The following SOX6 variants were observed in gnomAD, a reference collection of about 807,000 sequenced individuals.
SOX6 encodes transcription factor SOX-6.
In SOX6, 11 loss-of-function variants were observed where a neutral mutation model predicts 97.8. The observed-to-expected ratio is 0.11, with a 90% confidence interval of 0.07 to 0.19. SOX6 has a LOEUF of 0.19. Ranked by LOEUF, SOX6 falls within the 10% of genes least tolerant of loss-of-function variation. The probability of loss-of-function intolerance (pLI) is 1.00; values close to 1 mark genes in which losing one functional copy is unlikely to be tolerated. For missense variants in SOX6, 810 were observed against 1,039.5 expected, an observed-to-expected ratio of 0.78 and a Z score of 3.04; for synonymous variants, 360 against 371.4, an observed-to-expected ratio of 0.97 and a Z score of 0.35.
chr11:16,008,581 T>C (rs10766294), intron 13 of SOX6, among the ~76,000 whole-genome samples: 47,031 of 151,918 alleles, frequency 0.31, 8,647 homozygotes, highest in Non-Finnish European at 0.41. Context: ...GATGGAGTTA[T>C]ACAAGAATCT....
chr11:16,277,310 C>G (rs189013787), intron 3 of SOX6, among the ~76,000 whole-genome samples: 2 of 152,070 alleles, frequency 1.3e-5, no homozygotes, highest in South Asian at 4.2e-4. Context: ...TCACTGCCCC[C>G]ACCCACTCCA....
chr11:16,425,159 T>C (rs932374722), intron 1 of SOX6, among the ~76,000 whole-genome samples: 30 of 152,246 alleles, frequency 2.0e-4, no homozygotes, highest in African/African-American at 6.8e-4. Context: ...TTTCTTTTTC[T>C]TCATTCCCTT....
intron 3 of SOX6, among the ~76,000 whole-genome samples, chr11:16,659,833 T>C (rs1465476883): frequency 1.3e-5 from 2 of 152,188 alleles, no homozygotes; most frequent in Non-Finnish European, 2.9e-5. Flanking sequence ...GATTATCTAT[T>C]GCTCCTTGTG....
At chr11:16,082,791 T>C (rs749496706) in intron 9 of SOX6, among the ~76,000 whole-genome samples, 4 of 152,196 alleles carry the variant, frequency 2.6e-5, no homozygotes, top group Non-Finnish European at 4.4e-5. Flanking sequence ...TTACCATTTA[T>C]GGTGTGAATA....
intron 3 of SOX6, among the ~76,000 whole-genome samples, chr11:16,621,437 G>C (rs1051676728): frequency 6.6e-6 from 1 of 152,144 alleles, no homozygotes; most frequent in Non-Finnish European, 1.5e-5. Flanking sequence ...GGAATACATT[G>C]ACTGTCATGG....
intron 13 of SOX6, 131 bp downstream of exon 13, chr11:16,014,811 C>T: frequency 2.5e-6 from 2 of 807,794 alleles, no homozygotes; most frequent in South Asian, 2.9e-5. Flanking sequence ...TGAAGAGTGA[C>T]ATTTCCTTTG....
chr11:16,564,568 A>T (rs1847848946), intron 4 of SOX6, among the ~76,000 whole-genome samples: 1 of 152,124 alleles, frequency 6.6e-6, no homozygotes, highest in Admixed American at 6.5e-5. Context: ...TAGGCCATAA[A>T]ACAAAACTCA....
chr11:16,511,014 T>G (rs531365236), intron 4 of SOX6, among the ~76,000 whole-genome samples: 2 of 152,162 alleles, frequency 1.3e-5, no homozygotes, highest in South Asian at 2.1e-4. Context: ...AAATTATCGT[T>G]GGGGAAAAGG....
intron 3 of SOX6, among the ~76,000 whole-genome samples, chr11:16,691,830 C>G (rs2134036254): frequency 6.6e-6 from 1 of 152,196 alleles, no homozygotes; most frequent in East Asian, 1.9e-4. Flanking sequence ...AAGCAAAACA[C>G]CATCACTCAA....
intron 4 of SOX6, among the ~76,000 whole-genome samples, chr11:16,517,912 C>A (rs1860998998): frequency 6.6e-6 from 1 of 152,142 alleles, no homozygotes; most frequent in Non-Finnish European, 1.5e-5. Flanking sequence ...ACTTTCTATT[C>A]TCTCACTGCC....
intron 7 of SOX6, among the ~76,000 whole-genome samples, chr11:16,108,314 C>T (rs959146539): frequency 1.3e-5 from 2 of 152,080 alleles, no homozygotes; most frequent in African/African-American, 4.8e-5. Flanking sequence ...TGCTTTCTAG[C>T]CGCAATCATG....
chr11:15,998,993 C>T (rs949757684), intron 13 of SOX6, among the ~76,000 whole-genome samples: 1 of 151,908 alleles, frequency 6.6e-6, no homozygotes, highest in South Asian at 2.1e-4. Flanking sequence ...AAAGCACATA[C>T]TGGAAAAAAT....
intron 1 of SOX6, chr11:16,402,949 A>C: frequency 1.0e-6 from 1 of 968,824 alleles, no homozygotes; most frequent in Non-Finnish European, 1.5e-6. Context: ...TTTTTACACC[A>C]AGGTGGGGGA....
intron 13 of SOX6, among the ~76,000 whole-genome samples, chr11:16,000,345 T>C (rs1368550857): frequency 6.6e-6 from 1 of 152,216 alleles, no homozygotes. Flanking sequence ...ATGTAGAGTA[T>C]GCTTTGTTCT....
At chr11:16,045,300 T>A (rs1308108745) in intron 12 of SOX6, among the ~76,000 whole-genome samples, 1 of 152,064 alleles carries the variant, frequency 6.6e-6, no homozygotes, top group African/African-American at 2.4e-5. Flanking sequence ...GGGAGGTAAT[T>A]AGGTTTAGAT....
chr11:16,187,245 C>A (rs1437330364), intron 4 of SOX6, among the ~76,000 whole-genome samples: 1 of 151,974 alleles, frequency 6.6e-6, no homozygotes, highest in Non-Finnish European at 1.5e-5. Context: ...TCCTTTTTGC[C>A]CCCAATCTAT....
intron 3 of SOX6, among the ~76,000 whole-genome samples, chr11:16,268,903 T>C (rs905146080): frequency 2.0e-5 from 3 of 151,068 alleles, no homozygotes; most frequent in African/African-American, 7.3e-5. Flanking sequence ...TTACTTATGA[T>C]CTTTTTAACA....
intron 4 of SOX6, among the ~76,000 whole-genome samples, chr11:16,234,005 C>CAAAAAAAAAAAA (rs751876773): frequency 1.8e-5 from 1 of 55,960 alleles, no homozygotes. Context: ...GACTGCATCT[C>CAAAAAAAAAAAA]AAAAAAAAAA....
chr11:16,283,081 T>C lies in SOX6; in HGVS notation c.445+35365A>G, dbSNP rs1225791028. Among the ~76,000 whole-genome samples, 16 of 64,090 alleles carry C rather than the reference T, an allele frequency of 2.5e-4. No homozygotes were observed. In the East Asian group the frequency reaches 7.6e-3, roughly 31 times the overall value. The allele number at this position is 64,090 out of a possible 152,430, so 42.0% of individuals were successfully genotyped here. A position where few individuals can be genotyped will look rare whatever the true frequency, so the allele number is the denominator to read the frequency against. On this transcript the variant is annotated intron_variant, in intron 3 of 15. Transcript: ENST00000683767. ...AATTTGTATATATATGTAAATTATA[T>C]ATAATTTGTATATATATATATATAT...
Sources: gnomAD v4.1 joint callset for allele counts (sites outside exome capture counted in the v4.1 genomes callset) on GRCh38, gnomAD v4.1.1 for gene constraint, MANE v1.5 for transcripts, NCBI Gene and HGNC (gene_info 2026-07-23, HGNC 2026-07-21) for gene names.